Variants in DNAH2 observed in about 807,000 individuals in gnomAD.
DNAH2 encodes the protein dynein axonemal heavy chain 2.
DNAH2 carries 323 observed loss-of-function variants against 523.5 expected under a neutral mutation model. The observed-to-expected ratio is 0.62, with a 90% CI of 0.56 to 0.68. DNAH2 has a LOEUF of 0.68. Ranked by LOEUF, DNAH2 falls within the 30% of genes least tolerant of loss-of-function variation. The pLI, the probability that DNAH2 is intolerant of heterozygous loss-of-function variation, is 0.00. For missense variants in DNAH2, 4,907 were observed against 5,701.5 expected, an observed-to-expected ratio of 0.86 and a Z score of 4.49; for synonymous variants, 2,093 against 2,177.4, an observed-to-expected ratio of 0.96 and a Z score of 1.08.
In DNAH2 at chr17:7,743,143, G is replaced by C; in HGVS notation, c.1904+1G>C. 2 of 1,604,446 alleles carry C rather than the reference G, an allele frequency of 1.2e-6. No individual in the cohort carries two copies. The highest frequency in any genetic ancestry group is 1.7e-6 in the Non-Finnish European group (2 of 1,177,108). On this transcript the variant is annotated splice_donor_variant, in intron 12 of 85. Coordinates refer to ENST00000572933, the MANE Select transcript of DNAH2 (RefSeq NM_020877.5). LOFTEE classifies it high-confidence loss of function. The stretch of plus-strand genomic sequence containing the variant: ...GCATGCTGGATGTCAACTTTGACAA[G>C]TACAGGAGCCACCTGGCCCCTTTTC...
Position 7,759,467 on chromosome 17 carries a change from A to G in DNAH2, c.2494A>G (p.Met832Val). Residue 832 changes from methionine to valine, a missense_variant, in exon 16 of 86, where the codon ATG becomes GTG. Coordinates refer to ENST00000572933, the MANE Select transcript of DNAH2 (RefSeq NM_020877.5). The stretch of plus-strand genomic sequence containing the variant: ...GTACATGATTCGGCTGGACCGCATG[A>G]TGGAGGATGCCCTGCGCCTGAATGT... The part of the protein sequence containing the change: ...MLYMIRLDRM[M>V]EDALRLNVKW... 1 of 1,614,078 alleles carries G rather than the reference A, an allele frequency of 6.2e-7. No individual in the cohort carries two copies. Among genetic ancestry groups the G allele is most frequent in the Non-Finnish European group, 8.5e-7 (1 of 1,180,006 alleles).
intron 1 of DNAH2, 81 bp from the exon 2 acceptor site, chr17:7,719,640 T>C (rs2074534983): frequency 3.9e-6 from 6 of 1,545,836 alleles, no homozygotes; most frequent in Non-Finnish European, 5.4e-6. Flanking sequence ...AATTTATGAA[T>C]TCAAAAGGGA....
intron 12 of DNAH2, 112 bp from the exon 13 acceptor site, chr17:7,756,979 A>T: frequency 3.5e-5 from 53 of 1,497,322 alleles, no homozygotes; most frequent in Non-Finnish European, 4.8e-5. Flanking sequence ...CCTCTGCTTC[A>T]TTTCTCATCT....
intron 77 of DNAH2, among the ~76,000 whole-genome samples, chr17:7,827,608 G>A (rs1597791563): frequency 1.3e-5 from 2 of 151,940 alleles, no homozygotes; most frequent in Non-Finnish European, 2.9e-5. Context: ...ACCCTACCCA[G>A]CTAATTTTGT....
At chr17:7,790,095 G>A (rs1396214880) in intron 44 of DNAH2, among the ~76,000 whole-genome samples, 1 of 152,198 alleles carries the variant, frequency 6.6e-6, no homozygotes, top group African/African-American at 2.4e-5. Flanking sequence ...TCTCCAAGAG[G>A]CCTGAGAGAG....
intron 12 of DNAH2, among the ~76,000 whole-genome samples, chr17:7,746,701 G>T (rs552999424): frequency 6.6e-6 from 1 of 152,068 alleles, no homozygotes; most frequent in Non-Finnish European, 1.5e-5. Context: ...AGTATGTAAA[G>T]AAATGGCTGG....
chr17:7,727,358 A>G (rs2151126041), intron 4 of DNAH2, 66 bp downstream of exon 4: 1 of 1,555,406 alleles, frequency 6.4e-7, no homozygotes, highest in Non-Finnish European at 8.6e-7. Flanking sequence ...CAGTTCCTTC[A>G]TCATCCTTAA....
Position 7,751,938 on chromosome 17 carries a change from T to TGC in DNAH2, c.1905-5152_1905-5151insCG, listed in dbSNP as rs2075694703. On this transcript the variant is annotated intron_variant, in intron 12 of 85. Coordinates refer to ENST00000572933, the MANE Select transcript of DNAH2 (RefSeq NM_020877.5). ...GTTGTGGGGTGTGTGTGTGTGTGTG[T>TGC]GTGTGTGTGCGTGTTTTGAGACTGA... is the stretch of plus-strand genomic sequence containing the variant. Among the ~76,000 whole-genome samples the TGC allele has an allele frequency of 2.0e-5, 3 of 151,034 alleles. 1 individual carries two copies. Among genetic ancestry groups the TGC allele is most frequent in the Admixed American group, 2.0e-4 (3 of 15,114 alleles).
Position 7,817,780 on chromosome 17 carries a change from C to T in DNAH2, c.10170-10C>T. 1 of 1,614,066 alleles carries T rather than the reference C, an allele frequency of 6.2e-7. No homozygotes were observed. The highest frequency in any genetic ancestry group is 8.5e-7 in the Non-Finnish European group (1 of 1,180,018). ...GAGGGCCTCACCTCTGACCTGTACTCCCCTTCCAGGTGGGCACTGATGATC... is the reference window on the plus strand; with the variant it reads ...GAGGGCCTCACCTCTGACCTGTACTTCCCTTCCAGGTGGGCACTGATGATC... On this transcript the variant is annotated splice_polypyrimidine_tract_variant and intron_variant, in intron 66 of 85. Transcript: ENST00000572933.
chr17:7,778,551 C>G (rs1489450158), intron 35 of DNAH2, 82 bp downstream of exon 35: 6 of 1,350,372 alleles, frequency 4.4e-6, no homozygotes, highest in Non-Finnish European at 6.0e-6. Flanking sequence ...AAATCTGGTT[C>G]AGTGCTTTGT....
chr17:7,802,086 G>C, intron 58 of DNAH2, 69 bp downstream of exon 58: 2 of 1,589,890 alleles, frequency 1.3e-6, no homozygotes, highest in Non-Finnish European at 1.7e-6. Context: ...TGGGTGAAAT[G>C]ATGCTGATGT....
In DNAH2 at chr17:7,804,491, G is replaced by A. The variant is rs539517023; in HGVS notation, c.9183+25G>A. 5.0e-5 allele frequency: 81 copies of A among 1,608,600 alleles called. No homozygotes were observed. In the East Asian group the frequency reaches 1.4e-3, roughly 28 times the overall value. On this transcript the variant is annotated intron_variant, in intron 59 of 85. Coordinates refer to ENST00000572933, the MANE Select transcript of DNAH2 (RefSeq NM_020877.5). The stretch of plus-strand genomic sequence containing the variant: ...GGTCCAGGGCCCACGCCCACCCCCC[G>A]TGCCCCACTCCCACCAGTGCCGGCT...
Position 7,775,925 on chromosome 17 carries a change from A to G in DNAH2, c.4822-99A>G. On this transcript the variant is annotated intron_variant, in intron 30 of 85. Coordinates refer to ENST00000572933, the MANE Select transcript of DNAH2 (RefSeq NM_020877.5). ...TGGCCATTCCCGCTTTTCTCTGGGT[A>G]CAAAGCCCTGAAGTGCTGCTCCATA... 10 of 1,501,746 alleles carry G rather than the reference A, an allele frequency of 6.7e-6. No homozygotes were observed. In the South Asian group the frequency reaches 8.8e-5, roughly 13 times the overall value. The allele number at this position is 1,501,746 out of a possible 1,614,324, so 93.0% of individuals were successfully genotyped here. A position where few individuals can be genotyped will look rare whatever the true frequency, so the allele number is the denominator to read the frequency against.
chr17:7,762,093 T>C (rs991282360), intron 18 of DNAH2, among the ~76,000 whole-genome samples: 1 of 152,208 alleles, frequency 6.6e-6, no homozygotes, highest in Non-Finnish European at 1.5e-5. Flanking sequence ...CTCAGTTTTC[T>C]ATGAAACAGA....
At chr17:7,741,298 C>T (rs2075329079) in intron 11 of DNAH2, among the ~76,000 whole-genome samples, 16 of 42,572 alleles carry the variant, frequency 3.8e-4, no homozygotes, top group South Asian at 3.0e-3. Context: ...TTCTTTCTTC[C>T]TTCCTTCCCT....
At chr17:7,730,789 A>G (rs2074960276) in intron 4 of DNAH2, among the ~76,000 whole-genome samples, 1 of 151,926 alleles carries the variant, frequency 6.6e-6, no homozygotes, top group African/African-American at 2.4e-5. Flanking sequence ...TGACAGAGCG[A>G]GAGTCTGTCT....
At chr17:7,756,954 A>G in intron 12 of DNAH2, 137 bp from the exon 13 acceptor site, 1 of 1,304,418 alleles carries the variant, frequency 7.7e-7, no homozygotes, top group Non-Finnish European at 1.1e-6. Flanking sequence ...TACAGGCGTG[A>G]GCCACCATAC....
In DNAH2 at chr17:7,761,698, T is replaced by C. The variant is rs2151199933; in HGVS notation, c.2978+766T>C. ...CAGGGTTTCACCATGTTGGCCAGGCTGGTCTCAAACTCCTGACCTCAAGTC... is the reference window on the plus strand; with the variant it reads ...CAGGGTTTCACCATGTTGGCCAGGCCGGTCTCAAACTCCTGACCTCAAGTC... On this transcript the variant is annotated intron_variant, in intron 18 of 85. Coordinates refer to ENST00000572933, the MANE Select transcript of DNAH2 (RefSeq NM_020877.5). Among the ~76,000 whole-genome samples, 2 of 152,242 alleles carry C rather than the reference T, an allele frequency of 1.3e-5. 1 individual carries two copies. The highest frequency in any genetic ancestry group is 4.8e-5 in the African/African-American group (2 of 41,558).
chr17:7,823,646 C>T lies in DNAH2; in HGVS notation c.11329+18C>T. On this transcript the variant is annotated intron_variant, in intron 74 of 85. Coordinates refer to ENST00000572933, the MANE Select transcript of DNAH2 (RefSeq NM_020877.5). ...GCTGCCAGGTACCAGGCGTCTGTGT[C>T]CCACTCTCACTTTTCTCCTTCCCTC... is the stretch of plus-strand genomic sequence containing the variant. The T allele has an allele frequency of 6.2e-7, 1 of 1,611,004 alleles. No homozygotes were observed. Among genetic ancestry groups the T allele is most frequent in the South Asian group, 1.1e-5 (1 of 90,794 alleles).
Sources: gnomAD v4.1 joint callset for allele counts (sites outside exome capture counted in the v4.1 genomes callset) on GRCh38, gnomAD v4.1.1 for gene constraint, MANE v1.5 for transcripts, NCBI Gene and HGNC (gene_info 2026-07-23, HGNC 2026-07-21) for gene names.